ZNF385D: variants seen among roughly 807,000 people sequenced by gnomAD.
The protein encoded by ZNF385D is zinc finger protein 659.
Under a neutral mutation model 35.8 loss-of-function variants are expected in ZNF385D, and 15 were observed. The observed-to-expected ratio is 0.42, with a 90% CI of 0.28 to 0.64. The LOEUF (loss-of-function observed/expected upper bound fraction) is 0.64. ZNF385D is among the 30% of genes least tolerant of loss of function. The pLI is 0.23. For synonymous variants in ZNF385D, 212 were observed against 186.8 expected (o/e 1.13, Z -1.10); for missense variants, 474 against 494.6 (o/e 0.96, Z 0.39).
intron 2 of ZNF385D, among the ~76,000 whole-genome samples, chr3:22,209,069 C>A (rs941699956): frequency 6.6e-6 from 1 of 151,846 alleles, no homozygotes; most frequent in African/African-American, 2.4e-5. Flanking sequence ...TGTATTACAG[C>A]ACAGAACTGC....
intron 3 of ZNF385D, among the ~76,000 whole-genome samples, chr3:21,877,024 AT>A (rs1440090827): frequency 2.6e-5 from 4 of 152,060 alleles, no homozygotes; most frequent in Non-Finnish European, 4.4e-5. Flanking sequence ...TCTATGATCC[AT>A]TTGCTTTTGC....
At chr3:21,780,391 AT>A (rs998518450) in intron 3 of ZNF385D, among the ~76,000 whole-genome samples, 1 of 151,640 alleles carries the variant, frequency 6.6e-6, no homozygotes, top group Non-Finnish European at 1.5e-5. Flanking sequence ...TTCCCCTGAC[AT>A]TTTCCTCTTC....
intron 1 of ZNF385D, among the ~76,000 whole-genome samples, chr3:21,735,781 G>C (rs901957214): frequency 6.6e-6 from 1 of 152,194 alleles, no homozygotes; most frequent in African/African-American, 2.4e-5. Context: ...TCCAACACAA[G>C]AGAAAAGCTG....
intron 3 of ZNF385D, among the ~76,000 whole-genome samples, chr3:21,513,939 C>T (rs1335293775): frequency 6.6e-6 from 1 of 152,056 alleles, no homozygotes; most frequent in Non-Finnish European, 1.5e-5. Context: ...TCCCTTTGGG[C>T]CACTTGATAG....
At chr3:21,904,750 G>C (rs1417630488) in intron 3 of ZNF385D, among the ~76,000 whole-genome samples, 2 of 152,118 alleles carry the variant, frequency 1.3e-5, no homozygotes, top group African/African-American at 4.8e-5. Flanking sequence ...GATTTAGGGA[G>C]AAAGAATAGC....
intron 2 of ZNF385D, among the ~76,000 whole-genome samples, chr3:22,322,997 G>A (rs559710447): frequency 2.3e-4 from 35 of 152,222 alleles, no homozygotes; most frequent in African/African-American, 8.2e-4. Context: ...GGATCTGTAG[G>A]ACTGTAGGTA....
At chr3:22,001,392 A>T (rs759745667) in intron 3 of ZNF385D, among the ~76,000 whole-genome samples, 1 of 152,158 alleles carries the variant, frequency 6.6e-6, no homozygotes, top group Non-Finnish European at 1.5e-5. Flanking sequence ...AGACAAAGAA[A>T]GTCATTATAT....
chr3:21,608,980 G>A (rs912264505), intron 2 of ZNF385D, among the ~76,000 whole-genome samples: 1 of 152,204 alleles, frequency 6.6e-6, no homozygotes, highest in African/African-American at 2.4e-5. Context: ...AGAATCTTGA[G>A]ATGTAATCAA....
intron 2 of ZNF385D, among the ~76,000 whole-genome samples, chr3:22,364,867 A>C (rs1320396509): frequency 6.6e-6 from 1 of 152,140 alleles, no homozygotes; most frequent in East Asian, 1.9e-4. Flanking sequence ...TGGACAGTTG[A>C]CAAGAAATGC....
chr3:21,814,379 G>A (rs1325581893), intron 3 of ZNF385D, among the ~76,000 whole-genome samples: 1 of 152,156 alleles, frequency 6.6e-6, no homozygotes, highest in African/African-American at 2.4e-5. Flanking sequence ...TGGGCTAAAT[G>A]CTCCAATTAA....
intron 2 of ZNF385D, among the ~76,000 whole-genome samples, chr3:21,611,680 C>A (rs967115189): frequency 1.3e-5 from 2 of 152,050 alleles, no homozygotes; most frequent in Admixed American, 1.3e-4. Flanking sequence ...CTAAACTGCT[C>A]TCATTTGCTG....
intron 3 of ZNF385D, among the ~76,000 whole-genome samples, chr3:21,945,964 G>C (rs1701763217): frequency 6.6e-6 from 1 of 152,156 alleles, no homozygotes; most frequent in Admixed American, 6.5e-5. Flanking sequence ...TCAGTTCACA[G>C]TAATATGAAC....
chr3:21,535,106 A>G (rs1194114200), intron 3 of ZNF385D, among the ~76,000 whole-genome samples: 1 of 152,146 alleles, frequency 6.6e-6, no homozygotes, highest in Non-Finnish European at 1.5e-5. Flanking sequence ...AATCATCTAA[A>G]GAACATAACA....
At chr3:22,121,012 T>C (rs1196139539) in intron 3 of ZNF385D, among the ~76,000 whole-genome samples, 1 of 152,142 alleles carries the variant, frequency 6.6e-6, no homozygotes, top group East Asian at 1.9e-4. Flanking sequence ...AAATAACACA[T>C]AGAAATGCAA....
intron 2 of ZNF385D, among the ~76,000 whole-genome samples, chr3:21,587,618 T>TAAGA (rs2063848839): frequency 6.6e-6 from 1 of 152,178 alleles, no homozygotes; most frequent in South Asian, 2.1e-4. Context: ...AGTAGATATG[T>TAAGA]AAGAAACTTA....
chr3:21,710,455 C>T lies in ZNF385D; in HGVS notation c.22+40440G>A, dbSNP rs572420062. Among the ~76,000 whole-genome samples the T allele has an allele frequency of 3.3e-5, 5 of 152,222 alleles. 1 individual carries two copies. The South Asian group carries it at 1.0e-3, about 32-fold the overall frequency. Reference sequence around the variant, plus strand: ...CAACTGTATGGCTTTTTCTGAATTCCTTAAGGTGCACTGGCTTCTTTTTGT... The same window carrying T: ...CAACTGTATGGCTTTTTCTGAATTCTTTAAGGTGCACTGGCTTCTTTTTGT... On this transcript the variant is annotated intron_variant, in intron 1 of 7. Transcript: ENST00000281523.
At chr3:21,717,830 C>A (rs1254333550) in intron 1 of ZNF385D, among the ~76,000 whole-genome samples, 1 of 152,150 alleles carries the variant, frequency 6.6e-6, no homozygotes, top group Non-Finnish European at 1.5e-5. Context: ...AACTGTGAGT[C>A]CATTAAACTT....
At chr3:21,665,705 A>G (rs1403057406) in intron 1 of ZNF385D, among the ~76,000 whole-genome samples, 1 of 152,120 alleles carries the variant, frequency 6.6e-6, no homozygotes, top group Non-Finnish European at 1.5e-5. Context: ...AGGCAGTGGG[A>G]ATATTATGCC....
rs2062131925 is a variant in ZNF385D at position 21,539,926 on chromosome 3, G to C, written c.276+24648C>G. ...TATGTCTTTTTAAACCATGAAGATA[G>C]CTAGTTAGTTTTACTTAAAATAAGA... On this transcript the variant is annotated intron_variant, in intron 3 of 7. Transcript: ENST00000281523. The surrounding 1 kb of genome is among the most constrained non-coding windows in gnomAD (Gnocchi z 4.0). Among the ~76,000 whole-genome samples the C allele has an allele frequency of 6.6e-6, 1 of 152,016 alleles. No individual in the cohort carries two copies. The highest frequency in any genetic ancestry group is 2.4e-5 in the African/African-American group (1 of 41,398).
Sources: allele counts gnomAD v4.1 joint callset (sites outside exome capture counted in the v4.1 genomes callset), GRCh38; gene constraint gnomAD v4.1.1; non-coding constraint Gnocchi (gnomAD v3.1); transcripts MANE v1.5; gene names NCBI Gene and HGNC (gene_info 2026-07-23, HGNC 2026-07-21).